CEP112: variants seen among roughly 807,000 people sequenced by gnomAD.
CEP112 encodes the protein centrosomal protein of 112 kDa.
Under a neutral mutation model 153.0 loss-of-function variants are expected in CEP112, and 127 were observed. The ratio of observed to expected loss-of-function variants is 0.83; its 90% CI spans 0.72 to 0.96. The LOEUF is 0.96. Ranked by LOEUF, CEP112 falls within the 40% of genes least tolerant of loss-of-function variation. CEP112 has a pLI of 0.00. For missense variants in CEP112, 1,089 were observed against 1,101.2 expected, an observed-to-expected ratio of 0.99 and a Z score of 0.16; for synonymous variants, 358 against 374.4, an observed-to-expected ratio of 0.96 and a Z score of 0.51.
intron 18 of CEP112, among the ~76,000 whole-genome samples, chr17:65,932,210 T>C (rs1257891265): frequency 2.2e-4 from 34 of 152,156 alleles, no homozygotes; most frequent in Admixed American, 2.2e-3. Context: ...TTGCTCATGG[T>C]CACTATCAGC....
intron 20 of CEP112, among the ~76,000 whole-genome samples, chr17:65,868,548 T>G (rs568550903): frequency 6.1e-4 from 93 of 151,916 alleles, no homozygotes; most frequent in African/African-American, 2.2e-3. Context: ...CATTTTGAGA[T>G]TTATCAAATA....
chr17:65,890,018 T>C (rs2059408808), intron 20 of CEP112, among the ~76,000 whole-genome samples: 1 of 152,218 alleles, frequency 6.6e-6, no homozygotes, highest in Non-Finnish European at 1.5e-5. Flanking sequence ...TGCGCGTATA[T>C]ATATAAATTT....
chr17:65,737,432 T>C (rs1317520557), intron 23 of CEP112, among the ~76,000 whole-genome samples: 1 of 152,178 alleles, frequency 6.6e-6, no homozygotes, highest in African/African-American at 2.4e-5. Flanking sequence ...CCTCATTTTT[T>C]CCTCTTCTGG....
chr17:65,751,257 A>G (rs1291036685), intron 21 of CEP112, among the ~76,000 whole-genome samples: 1 of 152,240 alleles, frequency 6.6e-6, no homozygotes, highest in African/African-American at 2.4e-5. Context: ...ATCTAAATCA[A>G]ACAAGTTTTA....
At chr17:66,184,778 C>A (rs957941571) in intron 1 of CEP112, among the ~76,000 whole-genome samples, 3 of 152,062 alleles carry the variant, frequency 2.0e-5, no homozygotes. Flanking sequence ...AATCTATATA[C>A]ACAAAAAAAT....
At position 66,040,339 on chromosome 17, in the gene CEP112, GCTT is replaced by G. The variant is rs551969643; in HGVS notation, c.1219-10319_1219-10317del. 2.1e-4 allele frequency among the ~76,000 whole-genome samples: 32 copies of G among 152,018 alleles called. 1 individual carries two copies. In the South Asian group the frequency reaches 6.2e-3, roughly 30 times the overall value. Reference sequence around the variant, plus strand: ...TAAGTGTTTATTAATCATCTGAATAGCTTCTTTTGTGGGCTGCCTATTCAAATA... The same window carrying G: ...TAAGTGTTTATTAATCATCTGAATAGCTTTTGTGGGCTGCCTATTCAAATA... On this transcript the variant is annotated intron_variant, in intron 12 of 26. Transcript: ENST00000535342.
At chr17:65,675,858 G>T (rs542834519) in intron 24 of CEP112, among the ~76,000 whole-genome samples, 30 of 152,010 alleles carry the variant, frequency 2.0e-4, no homozygotes, top group Non-Finnish European at 2.8e-4. Context: ...AAATTCATAT[G>T]ATTACTTCAA....
intron 3 of CEP112, 28 bp from the exon 4 acceptor site, chr17:66,175,244 T>G (rs762117459): frequency 1.3e-6 from 2 of 1,490,212 alleles, no homozygotes; most frequent in Non-Finnish European, 1.8e-6. Context: ...GAAAAATTAT[T>G]CTTTCAAAAT....
chr17:66,117,968 T>A (rs2069379832), intron 6 of CEP112, among the ~76,000 whole-genome samples: 1 of 152,138 alleles, frequency 6.6e-6, no homozygotes, highest in Non-Finnish European at 1.5e-5. Flanking sequence ...AGATACCATC[T>A]CACATCAGTT....
chr17:65,793,019 C>G (rs1482240073), intron 21 of CEP112, among the ~76,000 whole-genome samples: 1 of 151,902 alleles, frequency 6.6e-6, no homozygotes, highest in African/African-American at 2.4e-5. Flanking sequence ...AATCGAAGCT[C>G]CTGTCTACAG....
At chr17:65,730,594 A>G (rs1348880639) in intron 23 of CEP112, among the ~76,000 whole-genome samples, 1 of 152,178 alleles carries the variant, frequency 6.6e-6, no homozygotes, top group Non-Finnish European at 1.5e-5. Context: ...TTAAGTAATG[A>G]ACAGGTCCCA....
At chr17:65,673,537 G>A (rs1409270760) in intron 24 of CEP112, among the ~76,000 whole-genome samples, 1 of 152,054 alleles carries the variant, frequency 6.6e-6, no homozygotes, top group African/African-American at 2.4e-5. Flanking sequence ...CAGGGACTGG[G>A]GTATGGACCT....
chr17:65,881,921 C>T (rs561662855), intron 20 of CEP112, among the ~76,000 whole-genome samples: 11 of 152,338 alleles, frequency 7.2e-5, no homozygotes, highest in Admixed American at 4.6e-4. Flanking sequence ...ACTGCGGAAT[C>T]AGTAGCACAA....
intron 24 of CEP112, among the ~76,000 whole-genome samples, chr17:65,671,796 T>C (rs912346438): frequency 6.6e-6 from 1 of 152,146 alleles, no homozygotes; most frequent in Non-Finnish European, 1.5e-5. Context: ...ATGAAGGTGA[T>C]GTGTCTGAAC....
chr17:65,969,969 T>A (rs1387766045), intron 17 of CEP112, among the ~76,000 whole-genome samples: 1 of 152,198 alleles, frequency 6.6e-6, no homozygotes, highest in Non-Finnish European at 1.5e-5. Context: ...AATGTATGTA[T>A]AACATGCATA....
Position 66,063,009 on chromosome 17 carries a change from A to T in CEP112, c.1028T>A (p.Ile343Lys). The T allele has an allele frequency of 6.2e-7, 1 of 1,601,362 alleles. No homozygotes were observed. Among genetic ancestry groups the T allele is most frequent in the East Asian group, 2.3e-5 (1 of 44,228 alleles). Residue 343 changes from isoleucine to lysine, a missense_variant, in exon 11 of 27, where the codon ATA (isoleucine) becomes AAA (lysine). Coordinates refer to ENST00000535342, the MANE Select transcript of CEP112 (RefSeq NM_001199165.4). ...TAGAGATTCCGTACTTTGTTCACATATCTTTTTCAGCTCTGCAATCTGGTC... is the reference window on the plus strand; with the variant it reads ...TAGAGATTCCGTACTTTGTTCACATTTCTTTTTCAGCTCTGCAATCTGGTC... ...KEDQIAELKK[I>K]CEQSTESLNN...
At chr17:66,135,259 C>G (rs1040696541) in intron 4 of CEP112, among the ~76,000 whole-genome samples, 1 of 152,132 alleles carries the variant, frequency 6.6e-6, no homozygotes, top group African/African-American at 2.4e-5. Context: ...TTGTTAAAAT[C>G]TGGCTGGCAC....
chr17:65,721,967 T>C (rs1338361180), intron 23 of CEP112, among the ~76,000 whole-genome samples: 2 of 152,190 alleles, frequency 1.3e-5, no homozygotes, highest in Non-Finnish European at 2.9e-5. Context: ...AATTTCTGCT[T>C]GAATTGCAAG....
chr17:66,122,959 C>T (rs1005780930), intron 6 of CEP112, among the ~76,000 whole-genome samples: 1 of 152,152 alleles, frequency 6.6e-6, no homozygotes, highest in African/African-American at 2.4e-5. Flanking sequence ...TTGAACTTCC[C>T]AACACTGTTT....
Sources: gnomAD v4.1 joint callset for allele counts (sites outside exome capture counted in the v4.1 genomes callset) on GRCh38, gnomAD v4.1.1 for gene constraint, MANE v1.5 for transcripts, NCBI Gene and HGNC (gene_info 2026-07-23, HGNC 2026-07-21) for gene names.